C19orf44: variants seen among roughly 807,000 people sequenced by gnomAD.
The protein encoded by C19orf44 is uncharacterized protein C19orf44.
A neutral mutation model predicts 50.7 loss-of-function variants in C19orf44; 43 were observed. The observed-to-expected ratio is 0.85, with a 90% confidence interval of 0.66 to 1.09. The LOEUF is 1.09. C19orf44 is among the 50% of genes least tolerant of loss of function. C19orf44 has a pLI of 0.00. For missense variants in C19orf44, 722 were observed against 836.2 expected, an observed-to-expected ratio of 0.86 and a Z score of 1.68; for synonymous variants, 298 against 334.7, an observed-to-expected ratio of 0.89 and a Z score of 1.20.
intron 6 of C19orf44, 49 bp downstream of exon 6, chr19:16,513,158 A>C: frequency 1.6e-5 from 25 of 1,570,288 alleles, no homozygotes; most frequent in East Asian, 2.3e-5. Context: ...TACAGGACTC[A>C]TTTCACCTGC....
At position 16,514,693 on chromosome 19, in the gene C19orf44, G is replaced by A. The variant is rs771272359; in HGVS notation, c.1902+30G>A. The A allele has an allele frequency of 2.5e-5, 37 of 1,505,402 alleles. 1 individual carries two copies. The South Asian group carries it at 2.8e-4, about 11-fold the overall frequency. 93.3% of individuals were successfully genotyped at this position (1,505,402 alleles called of 1,614,324 possible). A position where few individuals can be genotyped will look rare whatever the true frequency, so the allele number is the denominator to read the frequency against. On this transcript the variant is annotated intron_variant, in intron 7 of 8. Transcript: ENST00000221671. ...GCGCAGCTCCCCATGGGCAGGGGCA[G>A]GGCAGTAGGGGAGCGGCAGCTCCCA...
intron 1 of C19orf44, among the ~76,000 whole-genome samples, chr19:16,497,960 A>G (rs2093414724): frequency 6.6e-6 from 1 of 152,118 alleles, no homozygotes; most frequent in Admixed American, 6.6e-5. Flanking sequence ...ACAAAAAGTT[A>G]GCTAGGCATG....
At chr19:16,516,401 G>T (rs531847831) in intron 7 of C19orf44, among the ~76,000 whole-genome samples, 8 of 152,116 alleles carry the variant, frequency 5.3e-5, no homozygotes, top group Non-Finnish European at 1.0e-4. Context: ...GGGAGAAAGC[G>T]GGACTCTGTC....
chr19:16,518,469 T>A (rs573270601), intron 8 of C19orf44: 1 of 152,150 alleles, frequency 6.6e-6, no homozygotes, highest in East Asian at 1.9e-4. Context: ...TATCAACTTA[T>A]ACAACTAAAA....
At chr19:16,505,274 C>T (rs1033132259) in intron 3 of C19orf44, among the ~76,000 whole-genome samples, 19 of 151,112 alleles carry the variant, frequency 1.3e-4, no homozygotes, top group Non-Finnish European at 2.5e-4. Flanking sequence ...AGTGCAATGG[C>T]GTGATCTTGG....
At chr19:16,514,458 GC>G (rs2093466127) in intron 6 of C19orf44, 38 bp from the exon 7 acceptor site, 1 of 1,543,492 alleles carries the variant, frequency 6.5e-7, no homozygotes, top group Non-Finnish European at 8.8e-7. Context: ...AATTTGTGGG[GC>G]CCCAGCGAAG....
Position 16,520,940 on chromosome 19 carries a change from C to T in C19orf44, c.*887C>T. 1.3e-6 allele frequency: 2 copies of T among 1,580,478 alleles called. No individual in the cohort carries two copies. Among genetic ancestry groups the T allele is most frequent in the South Asian group, 2.2e-5 (2 of 90,416 alleles). On this transcript the variant is annotated 3_prime_UTR_variant, in exon 9 of 9. Transcript: ENST00000221671. The surrounding 1 kb of genome is among the most constrained non-coding windows in gnomAD (Gnocchi z 4.0). ...GTAAGACACGGCATTCCGTGTGTGACCACGTGACACCCACCCACAAGGAAG... is the reference window on the plus strand; with the variant it reads ...GTAAGACACGGCATTCCGTGTGTGATCACGTGACACCCACCCACAAGGAAG...
Position 16,520,371 on chromosome 19 carries a change from T to TGGAGCGGGAGTAGGAACG in C19orf44, c.*324_*341dup, listed in dbSNP as rs764993097. The TGGAGCGGGAGTAGGAACG allele has an allele frequency of 1.4e-5, 23 of 1,612,256 alleles. No individual in the cohort carries two copies. The highest frequency in any genetic ancestry group is 2.0e-5 in the Non-Finnish European group (23 of 1,178,864). ...GAGGCAGCCTCTGCCTACCTAGATC[T>TGGAGCGGGAGTAGGAACG]GGAGCGGGAGTAGGAACGGGAGCAG... is the stretch of plus-strand genomic sequence containing the variant. On this transcript the variant is annotated 3_prime_UTR_variant, in exon 9 of 9. Coordinates refer to ENST00000221671, the MANE Select transcript of C19orf44 (RefSeq NM_032207.4). This position sits in a 1 kb window ranked among gnomAD's most constrained non-coding sequence, Gnocchi z 4.0.
intron 5 of C19orf44, 28 bp from the exon 6 acceptor site, chr19:16,512,986 C>T (rs753164631): frequency 1.9e-6 from 3 of 1,601,686 alleles, no homozygotes; most frequent in Non-Finnish European, 2.6e-6. Flanking sequence ...GTCCTGCCTG[C>T]TTACCCCTCT....
chr19:16,501,656 G>C (rs1196154722), intron 2 of C19orf44, 105 bp downstream of exon 2: 1 of 828,670 alleles, frequency 1.2e-6, no homozygotes. Context: ...GCAATGGCAC[G>C]ATCTCTGCTC....
At chr19:16,518,394 G>A (rs2122233956) in intron 8 of C19orf44, 1 of 152,244 alleles carries the variant, frequency 6.6e-6, no homozygotes, top group South Asian at 2.1e-4. Flanking sequence ...AAGTGTCTTA[G>A]GCTGGTTTCC....
At position 16,500,942 on chromosome 19, in the gene C19orf44, T is replaced by A. The variant is rs1372220040; in HGVS notation, c.150T>A (p.Phe50Leu). The change falls in exon 2 of 9, where the codon TTT (phenylalanine) becomes TTA (leucine). Residue 50 changes from phenylalanine to leucine, a missense_variant. By Grantham distance (22) the Phe-to-Leu change is conservative (BLOSUM62 0). Coordinates refer to ENST00000221671, the MANE Select transcript of C19orf44 (RefSeq NM_032207.4). ...AAATAGCACCTGGTCATAGCAGATT[T>A]CTAAAAAGAAACCAAACTCTAGATG... ...LTKIAPGHSR[F>L]LKRNQTLDEK... 6.2e-7 allele frequency: 1 copy of A among 1,613,536 alleles called. No homozygotes were observed. Among genetic ancestry groups the A allele is most frequent in the Non-Finnish European group, 8.5e-7 (1 of 1,179,930 alleles).
intron 7 of C19orf44, among the ~76,000 whole-genome samples, chr19:16,516,470 T>C (rs1048560793): frequency 6.6e-6 from 1 of 152,194 alleles, no homozygotes; most frequent in Admixed American, 6.5e-5. Context: ...TATCAAGGAA[T>C]ATCCAGTGTT....
At chr19:16,502,204 G>A (rs542914099) in intron 2 of C19orf44, among the ~76,000 whole-genome samples, 8 of 149,846 alleles carry the variant, frequency 5.3e-5, no homozygotes, top group South Asian at 2.1e-4. Context: ...GCCAGTGTGC[G>A]TGGCCTATTT....
chr19:16,498,732 G>A (rs1206339316), intron 1 of C19orf44, among the ~76,000 whole-genome samples: 4 of 151,598 alleles, frequency 2.6e-5, no homozygotes, highest in Non-Finnish European at 4.4e-5. Context: ...GTGCAATGGC[G>A]CGATCTCGGT....
chr19:16,506,782 C>G lies in C19orf44; in HGVS notation c.1149+8C>G, dbSNP rs774616383. On this transcript the variant is annotated splice_region_variant and intron_variant, in intron 4 of 8. Transcript: ENST00000221671. ...TCCGATTTGGAACAGGAAGTAAGTA[C>G]AACAAAGTCATTTTTCATGGTCGAT... 5 of 1,573,466 alleles carry G rather than the reference C, an allele frequency of 3.2e-6. No homozygotes were observed. The African/African-American group carries it at 5.5e-5, about 17-fold the overall frequency.
Position 16,500,926 on chromosome 19 carries a change from C to T in C19orf44, c.134C>T (p.Pro45Leu). 6.2e-7 allele frequency: 1 copy of T among 1,613,652 alleles called. No individual in the cohort carries two copies. The highest frequency in any genetic ancestry group is 8.5e-7 in the Non-Finnish European group (1 of 1,179,920). ...AGTAGAAATCTTACCAAAATAGCAC[C>T]TGGTCATAGCAGATTTCTAAAAAGA... ...QISRNLTKIA[P>L]GHSRFLKRNQ... Residue 45 changes from proline (P) to leucine (L), a missense_variant, in exon 2 of 9, where the codon CCT (proline) becomes CTT (leucine). Coordinates refer to ENST00000221671, the MANE Select transcript of C19orf44 (RefSeq NM_032207.4).
chr19:16,514,987 C>G (rs1328436240), intron 7 of C19orf44, among the ~76,000 whole-genome samples: 2 of 152,240 alleles, frequency 1.3e-5, no homozygotes, highest in Non-Finnish European at 2.9e-5. Context: ...CCTGAGCCTC[C>G]TGAGACATCC....
In C19orf44 at chr19:16,520,707, C is replaced by T. The variant is rs543825194; in HGVS notation, c.*654C>T. 4.3e-4 allele frequency: 517 copies of T among 1,191,968 alleles called. No homozygotes were observed. Among genetic ancestry groups the T allele is most frequent in the Middle Eastern group, 7.8e-4 (3 of 3,826 alleles). 73.8% of individuals were successfully genotyped at this position (1,191,968 alleles called of 1,614,324 possible). On this transcript the variant is annotated 3_prime_UTR_variant, in exon 9 of 9. Coordinates refer to ENST00000221671, the MANE Select transcript of C19orf44 (RefSeq NM_032207.4). This position sits in a 1 kb window ranked among gnomAD's most constrained non-coding sequence, Gnocchi z 4.0. ...TGAATTCAGGCCTTGTGGAAAACACCGCCCCATAGGCACAGGCTGTGTGAG... is the reference window on the plus strand; with the variant it reads ...TGAATTCAGGCCTTGTGGAAAACACTGCCCCATAGGCACAGGCTGTGTGAG...
Sources: gnomAD v4.1 joint callset for allele counts (sites outside exome capture counted in the v4.1 genomes callset) on GRCh38, gnomAD v4.1.1 for gene constraint, Gnocchi (gnomAD v3.1) non-coding constraint, MANE v1.5 for transcripts, NCBI Gene and HGNC (gene_info 2026-07-23, HGNC 2026-07-21) for gene names.